CCDC30: variants seen among roughly 807,000 people sequenced by gnomAD.
The protein encoded by CCDC30 is coiled-coil domain-containing protein 30.
CCDC30 carries 70 observed loss-of-function variants against 100.2 expected under a neutral mutation model. The ratio of observed to expected loss-of-function variants is 0.70; its 90% CI spans 0.58 to 0.85. The LOEUF is 0.85. CCDC30 is among the 40% of genes least tolerant of loss of function. The pLI, the probability that CCDC30 is intolerant of heterozygous loss-of-function variation, is 0.00. For missense variants in CCDC30, 652 were observed against 771.2 expected (o/e 0.85, Z 1.83); for synonymous variants, 233 against 269.5 (o/e 0.86, Z 1.33).
At chr1:42,535,654 G>A (rs1233393772) in intron 6 of CCDC30, among the ~76,000 whole-genome samples, 1 of 34,354 alleles carries the variant, frequency 2.9e-5, no homozygotes, top group Non-Finnish European at 5.7e-5. Context: ...GAGCCCAGGA[G>A]TTTGAGAACA....
At chr1:42,547,683 C>T (rs530921896) in intron 6 of CCDC30, among the ~76,000 whole-genome samples, 53 of 152,264 alleles carry the variant, frequency 3.5e-4, no homozygotes, top group African/African-American at 1.2e-3. Context: ...TGCCATCTGC[C>T]TCCTTCTCCT....
chr1:42,545,163 A>T (rs1645098780), intron 6 of CCDC30, among the ~76,000 whole-genome samples: 2 of 23,272 alleles, frequency 8.6e-5, no homozygotes, highest in Middle Eastern at 0.019. Context: ...AAATACCTTT[A>T]AAAAAAAAAA....
At chr1:42,499,288 A>C (rs1644271689) in intron 6 of CCDC30, among the ~76,000 whole-genome samples, 1 of 152,136 alleles carries the variant, frequency 6.6e-6, no homozygotes, top group Non-Finnish European at 1.5e-5. Flanking sequence ...AATCAAACCC[A>C]AGACAGACTG....
chr1:42,569,440 C>A (rs1443319868), intron 7 of CCDC30, among the ~76,000 whole-genome samples: 1 of 152,150 alleles, frequency 6.6e-6, no homozygotes, highest in Non-Finnish European at 1.5e-5. Context: ...CCATCTCATG[C>A]CAGTTAGAAT....
chr1:42,532,083 G>A (rs763665565), intron 6 of CCDC30, among the ~76,000 whole-genome samples: 42 of 152,122 alleles, frequency 2.8e-4, no homozygotes, highest in Non-Finnish European at 5.9e-4. Context: ...CTTGAGCCTA[G>A]GAGTTTAAGA....
chr1:42,457,947 C>T, the CCDC30 span, among the ~76,000 whole-genome samples: 2 of 141,154 alleles, frequency 1.4e-5, 1 homozygote, highest in South Asian at 5.0e-4. Context: ...GAGAGCGATA[C>T]TCCGTCGCAA....
intron 11 of CCDC30, among the ~76,000 whole-genome samples, chr1:42,631,994 T>C (rs1647046840): frequency 1.3e-5 from 2 of 152,216 alleles, no homozygotes; most frequent in Admixed American, 1.3e-4. Flanking sequence ...CTGATACCTA[T>C]GCTGTAAGAC....
exon 13 of CCDC30, chr1:42,642,587 A>G: frequency 6.3e-7 from 1 of 1,599,840 alleles, no homozygotes; most frequent in South Asian, 1.1e-5. Flanking sequence ...CAACAAATGG[A>G]CGATATCTTC....
intron 12 of CCDC30, among the ~76,000 whole-genome samples, chr1:42,641,122 A>T (rs935266874): frequency 2.4e-4 from 37 of 151,618 alleles, no homozygotes; most frequent in African/African-American, 4.1e-4. Context: ...TCTTAAAAAA[A>T]TTTTTTTGAG....
intron 10 of CCDC30, chr1:42,594,550 T>G (rs1646248734): frequency 6.6e-6 from 1 of 152,108 alleles, no homozygotes; most frequent in South Asian, 2.1e-4. Flanking sequence ...CAGGAACTTA[T>G]AATTAAGCAA....
chr1:42,541,191 T>C (rs1645004492), intron 6 of CCDC30, among the ~76,000 whole-genome samples: 1 of 152,218 alleles, frequency 6.6e-6, no homozygotes, highest in Non-Finnish European at 1.5e-5. Flanking sequence ...GCATTCTTCC[T>C]GATTTGCAGA....
At chr1:42,584,257 T>C (rs1015301997) in intron 9 of CCDC30, among the ~76,000 whole-genome samples, 1 of 152,208 alleles carries the variant, frequency 6.6e-6, no homozygotes, top group Non-Finnish European at 1.5e-5. Context: ...AAAGCTACTC[T>C]ATTAAAAATA....
chr1:42,611,049 A>C (rs755418494), exon 11 of CCDC30: 2 of 1,612,396 alleles, frequency 1.2e-6, no homozygotes, highest in Non-Finnish European at 1.7e-6. Context: ...CTCTACGTGA[A>C]GAATATTTGC....
Position 42,596,401 on chromosome 1 carries a change from G to A in CCDC30, c.1164+6918G>A, listed in dbSNP as rs188466045. ...AACTTCCTAACAGGGTCTGCCGGCA[G>A]GAGAAACTATTTAACCAGAGCCTAA... On this transcript the variant is annotated intron_variant, in intron 10 of 16. Transcript: ENST00000668663. This position sits in a 1 kb window ranked among gnomAD's most constrained non-coding sequence, Gnocchi z 4.3. Among the ~76,000 whole-genome samples the A allele has an allele frequency of 9.2e-5, 14 of 152,256 alleles. No homozygotes were observed. In the East Asian group the frequency reaches 2.7e-3, roughly 29 times the overall value.
chr1:42,648,494 C>T (rs1257475393), intron 15 of CCDC30, among the ~76,000 whole-genome samples: 1 of 151,986 alleles, frequency 6.6e-6, no homozygotes, highest in Non-Finnish European at 1.5e-5. Context: ...CACAGTGAAA[C>T]CCTGTCTCTA....
intron 6 of CCDC30, chr1:42,558,069 G>T (rs185726400): frequency 4.3e-6 from 1 of 230,828 alleles, no homozygotes; most frequent in African/African-American, 2.3e-5. Context: ...CTTGTTGGCT[G>T]CTTGTCTAGT....
intron 7 of CCDC30, among the ~76,000 whole-genome samples, chr1:42,569,977 T>C (rs926828277): frequency 2.0e-5 from 3 of 151,708 alleles, no homozygotes; most frequent in African/African-American, 7.3e-5. Context: ...GGCCTGTCAG[T>C]GGGTGGGGGA....
intron 3 of CCDC30, among the ~76,000 whole-genome samples, chr1:42,483,309 G>A (rs1440704798): frequency 6.6e-6 from 1 of 152,160 alleles, no homozygotes; most frequent in Non-Finnish European, 1.5e-5. Context: ...GGACGATTGT[G>A]TTGTCAGTTT....
intron 6 of CCDC30, among the ~76,000 whole-genome samples, chr1:42,532,087 T>C (rs1644814967): frequency 6.6e-6 from 1 of 152,080 alleles, no homozygotes; most frequent in Non-Finnish European, 1.5e-5. Flanking sequence ...AGCCTAGGAG[T>C]TTAAGATCAA....
Sources: gnomAD v4.1 joint callset for allele counts (sites outside exome capture counted in the v4.1 genomes callset) on GRCh38, gnomAD v4.1.1 for gene constraint, Gnocchi (gnomAD v3.1) non-coding constraint, MANE v1.5 for transcripts, NCBI Gene and HGNC (gene_info 2026-07-23, HGNC 2026-07-21) for gene names.